Variants in ZFHX3 observed in about 807,000 individuals in gnomAD.
ZFHX3 encodes the protein zinc finger homeobox 3, also known as zinc finger homeobox protein 3.
ZFHX3 carries 42 observed loss-of-function variants against 279.1 expected under a neutral mutation model. The ratio of observed to expected loss-of-function variants is 0.15; its 90% CI spans 0.12 to 0.19. The LOEUF (loss-of-function observed/expected upper bound fraction) is 0.19, where lower values mean the gene tolerates loss of function less well. Ranked by LOEUF, ZFHX3 falls within the 10% of genes least tolerant of loss-of-function variation. The pLI, the probability that ZFHX3 is intolerant of heterozygous loss-of-function variation, is 1.00. For synonymous variants in ZFHX3, 2,293 were observed against 1,957.8 expected, an observed-to-expected ratio of 1.17 and a Z score of -4.52; for missense variants, 4,981 against 4,754.0, an observed-to-expected ratio of 1.05 and a Z score of -1.40.
chr16:73,028,483 G>A (rs1964588542), intron 1 of ZFHX3, among the ~76,000 whole-genome samples: 1 of 152,162 alleles, frequency 6.6e-6, no homozygotes, highest in African/African-American at 2.4e-5. Context: ...ACCGGGTTTG[G>A]GGTTGGTCGC....
intron 3 of ZFHX3, among the ~76,000 whole-genome samples, chr16:72,932,938 G>A (rs1292084236): frequency 1.3e-5 from 2 of 150,504 alleles, no homozygotes; most frequent in South Asian, 4.2e-4. Flanking sequence ...TGAACAAACA[G>A]GAATTAAGTC....
chr16:73,748,363 C>A (rs2053723426), intron 1 of ZFHX3, among the ~76,000 whole-genome samples: 1 of 152,304 alleles, frequency 6.6e-6, no homozygotes, highest in East Asian at 1.9e-4. Context: ...TAAAATTACA[C>A]TTCAAGTCAT....
chr16:72,886,390 C>CG (rs1201083844), intron 4 of ZFHX3, among the ~76,000 whole-genome samples: 1 of 151,756 alleles, frequency 6.6e-6, no homozygotes. Context: ...ACACACTTCT[C>CG]GGGGGAAAAA....
In ZFHX3 at chr16:73,257,763, C is replaced by A. The variant is rs577880961; in HGVS notation, c.-1193-627G>T. On this transcript the variant is annotated intron_variant, in intron 4 of 17. Coordinates refer to the ZFHX3 transcript ENST00000641206. Reference sequence around the variant, plus strand: ...AAATACCCATAATTAGTTATTAATCCTATAATAATTTAGAAGAAAGGCCAA... The same window carrying A: ...AAATACCCATAATTAGTTATTAATCATATAATAATTTAGAAGAAAGGCCAA... 3.3e-4 allele frequency among the ~76,000 whole-genome samples: 51 copies of A among 152,246 alleles called. No homozygotes were observed. In the South Asian group the frequency reaches 0.011, roughly 32 times the overall value.
In ZFHX3 at chr16:72,848,754, C is replaced by T. The variant is rs370103666; in HGVS notation, c.3449-18895G>A. On this transcript the variant is annotated intron_variant, in intron 4 of 9. Coordinates refer to ENST00000268489, the MANE Select transcript of ZFHX3 (RefSeq NM_006885.4). The stretch of plus-strand genomic sequence containing the variant: ...TGCCTCCTCATCTCCCCATGCCACG[C>T]CCAGACCCAGGACCACTCTCTCCCC... Among the ~76,000 whole-genome samples the T allele has an allele frequency of 2.0e-5, 3 of 151,722 alleles. No individual in the cohort carries two copies. In the South Asian group the frequency reaches 6.3e-4, roughly 32 times the overall value.
chr16:73,668,102 C>G, intron 2 of ZFHX3, among the ~76,000 whole-genome samples: 1 of 152,160 alleles, frequency 6.6e-6, no homozygotes, highest in Admixed American at 6.5e-5. Context: ...AGAAGGGACT[C>G]ATCTGGACCA....
chr16:73,127,808 G>A (rs1414296798), intron 7 of ZFHX3, among the ~76,000 whole-genome samples: 2 of 152,184 alleles, frequency 1.3e-5, no homozygotes, highest in African/African-American at 2.4e-5. Context: ...TAAGAGACTG[G>A]CTGATGACTT....
At chr16:73,204,859 A>G (rs962347056) in intron 5 of ZFHX3, among the ~76,000 whole-genome samples, 6 of 152,246 alleles carry the variant, frequency 3.9e-5, no homozygotes, top group African/African-American at 1.4e-4. Flanking sequence ...AAAGTGCTAC[A>G]AAAGGAGTTA....
At chr16:72,972,179 A>G (rs1200753888) in intron 1 of ZFHX3, among the ~76,000 whole-genome samples, 1 of 152,092 alleles carries the variant, frequency 6.6e-6, no homozygotes, top group African/African-American at 2.4e-5. Flanking sequence ...AGGTGTGAGC[A>G]TTCATGCCCG....
chr16:73,156,657 G>A (rs773832343), intron 5 of ZFHX3, among the ~76,000 whole-genome samples: 23 of 152,158 alleles, frequency 1.5e-4, no homozygotes, highest in Non-Finnish European at 2.9e-4. Flanking sequence ...CTGGGTTCAA[G>A]TGATCCTCCC....
chr16:72,964,622 G>A (rs1483885769), intron 1 of ZFHX3, among the ~76,000 whole-genome samples: 3 of 151,424 alleles, frequency 2.0e-5, no homozygotes, highest in African/African-American at 7.3e-5. Context: ...GCTACGATCG[G>A]GCCACTGCAT....
chr16:73,047,652 CCCCA>C (rs1965346604), intron 1 of ZFHX3, 96 bp downstream of exon 1: 1 of 153,034 alleles, frequency 6.5e-6, no homozygotes, highest in Non-Finnish European at 1.5e-5. Context: ...CCTGCCCTTC[CCCCA>C]CACGCCCCAA....
chr16:73,634,702 T>G (rs2052512553), intron 2 of ZFHX3, among the ~76,000 whole-genome samples: 1 of 152,006 alleles, frequency 6.6e-6, no homozygotes, highest in South Asian at 2.1e-4. Flanking sequence ...AAATACATGC[T>G]GTTTGGATAT....
chr16:73,314,816 A>G (rs561506458), intron 4 of ZFHX3, among the ~76,000 whole-genome samples: 3 of 152,334 alleles, frequency 2.0e-5, no homozygotes, highest in East Asian at 3.9e-4. Flanking sequence ...GTATTGTTCA[A>G]TTCAACAGAG....
chr16:72,917,286 G>C (rs928412806), intron 3 of ZFHX3, among the ~76,000 whole-genome samples: 6 of 151,962 alleles, frequency 3.9e-5, no homozygotes, highest in African/African-American at 1.5e-4. Context: ...AAAATGAGAA[G>C]TTTTCGCCAT....
chr16:73,382,473 T>A (rs1403477219), intron 3 of ZFHX3, among the ~76,000 whole-genome samples: 3 of 152,174 alleles, frequency 2.0e-5, no homozygotes, highest in African/African-American at 7.2e-5. Context: ...TTAAGTGCGA[T>A]TGGAGCCCTT....
intron 2 of ZFHX3, among the ~76,000 whole-genome samples, chr16:73,596,729 G>C (rs1016696289): frequency 6.6e-6 from 1 of 152,106 alleles, no homozygotes; most frequent in Non-Finnish European, 1.5e-5. Flanking sequence ...CAACTTCCGT[G>C]ATCTATTACT....
chr16:73,436,131 G>A (rs188643869), intron 3 of ZFHX3, among the ~76,000 whole-genome samples: 2 of 152,190 alleles, frequency 1.3e-5, no homozygotes, highest in Non-Finnish European at 2.9e-5. Context: ...GGAGTTTGAG[G>A]CCAGCCTGAC....
chr16:73,727,988 C>T (rs1006768675), intron 1 of ZFHX3, among the ~76,000 whole-genome samples: 1 of 146,232 alleles, frequency 6.8e-6, no homozygotes, highest in African/African-American at 2.5e-5. Context: ...AATTCAGCTC[C>T]TTGGTCCCTT....
Sources: allele counts gnomAD v4.1 joint callset (sites outside exome capture counted in the v4.1 genomes callset), GRCh38; gene constraint gnomAD v4.1.1; transcripts MANE v1.5; gene names NCBI Gene and HGNC (gene_info 2026-07-23, HGNC 2026-07-21).